SLC44A5: variants seen among roughly 807,000 people sequenced by gnomAD.
The protein encoded by SLC44A5 is choline transporter-like protein 5.
SLC44A5 carries 57 observed loss-of-function variants against 101.8 expected under a neutral mutation model. The observed-to-expected ratio is 0.56, with a 90% CI of 0.45 to 0.70. SLC44A5 has a LOEUF of 0.70. SLC44A5 is among the 30% of genes least tolerant of loss of function. SLC44A5 has a pLI of 0.00. For missense variants in SLC44A5, 737 were observed against 853.1 expected, an observed-to-expected ratio of 0.86 and a Z score of 1.70; for synonymous variants, 281 against 290.9, an observed-to-expected ratio of 0.97 and a Z score of 0.35.
chr1:75,289,968 G>A lies in SLC44A5; in HGVS notation c.175+10644C>T, dbSNP rs1056050868. Among the ~76,000 whole-genome samples, 9 of 152,306 alleles carry A rather than the reference G, an allele frequency of 5.9e-5. 1 individual carries two copies. The highest frequency in any genetic ancestry group is 4.1e-4 in the South Asian group (2 of 4,820). ...GAATTTGAAGATACGTTTGTCTCAC[G>A]TAGCTGCTTAGTGAAGCCCCTTCTG... On this transcript the variant is annotated intron_variant, in intron 5 of 23. Coordinates refer to ENST00000370859, the MANE Select transcript of SLC44A5 (RefSeq NM_001130058.2).
chr1:75,459,347 T>G (rs1315405520), intron 2 of SLC44A5, among the ~76,000 whole-genome samples: 1 of 152,222 alleles, frequency 6.6e-6, no homozygotes, highest in African/African-American at 2.4e-5. Context: ...CAGTAAAAAT[T>G]TATCCATTTT....
intron 11 of SLC44A5, 41 bp from the exon 12 acceptor site, chr1:75,234,139 AAACACAGCATATTACAAAC>A (rs768683963): frequency 1.4e-6 from 2 of 1,406,040 alleles, no homozygotes; most frequent in Non-Finnish European, 2.0e-6. Context: ...CAAGTGTGCT[AAACACAGCATATTACAAAC>A]ATCAAGACAA....
chr1:75,254,080 C>A (rs1649809708), intron 6 of SLC44A5, among the ~76,000 whole-genome samples: 1 of 151,920 alleles, frequency 6.6e-6, no homozygotes, highest in South Asian at 2.1e-4. Context: ...CTCTTGTCGC[C>A]CAGGCTGGAG....
At chr1:75,686,017 G>C in the SLC44A5 span, among the ~76,000 whole-genome samples, 1 of 152,068 alleles carries the variant, frequency 6.6e-6, no homozygotes, top group South Asian at 2.1e-4. Flanking sequence ...CTGAGTGAAG[G>C]GGGAAGAAAG....
At chr1:75,554,052 G>A (rs1261233521) in intron 1 of SLC44A5, among the ~76,000 whole-genome samples, 1 of 152,166 alleles carries the variant, frequency 6.6e-6, no homozygotes, top group East Asian at 1.9e-4. Flanking sequence ...TTGAAGCCGT[G>A]TGTAAGAAGC....
intron 7 of SLC44A5, among the ~76,000 whole-genome samples, chr1:75,250,001 TA>T (rs1649427424): frequency 6.6e-6 from 1 of 152,200 alleles, no homozygotes; most frequent in Non-Finnish European, 1.5e-5. Flanking sequence ...ATTTCTTTTT[TA>T]AAAACTTTTA....
intron 3 of SLC44A5, among the ~76,000 whole-genome samples, chr1:75,354,292 A>G (rs553800626): frequency 3.3e-5 from 5 of 152,306 alleles, no homozygotes; most frequent in East Asian, 1.9e-4. Flanking sequence ...TTCATTTCCA[A>G]TCATTCCCCA....
upstream of SLC44A5, chr1:75,616,002 G>A (rs1235785202): frequency 1.3e-5 from 7 of 519,544 alleles, no homozygotes; most frequent in East Asian, 3.0e-4. Context: ...TGCTGTGATG[G>A]CATCTGCGAG....
intron 3 of SLC44A5, among the ~76,000 whole-genome samples, chr1:75,367,939 C>G: frequency 6.6e-6 from 1 of 152,182 alleles, no homozygotes; most frequent in East Asian, 1.9e-4. Flanking sequence ...GCCACCAAAT[C>G]GCTGACGTCA....
intron 2 of SLC44A5, among the ~76,000 whole-genome samples, chr1:75,519,711 G>A (rs1038965277): frequency 6.6e-6 from 1 of 152,164 alleles, no homozygotes; most frequent in Non-Finnish European, 1.5e-5. Context: ...TCTTCCTTTA[G>A]TGAACATCTC....
At chr1:75,204,260 A>C (rs1646712187) in intron 23 of SLC44A5, among the ~76,000 whole-genome samples, 1 of 152,206 alleles carries the variant, frequency 6.6e-6, no homozygotes, top group Non-Finnish European at 1.5e-5. Context: ...CATCAACTGC[A>C]AATTTTGAGG....
At chr1:75,279,282 G>A (rs1407875048) in intron 5 of SLC44A5, among the ~76,000 whole-genome samples, 2 of 151,900 alleles carry the variant, frequency 1.3e-5, no homozygotes, top group African/African-American at 2.4e-5. Context: ...TTTTTGTAAT[G>A]TTAGAACAGA....
intron 4 of SLC44A5, among the ~76,000 whole-genome samples, chr1:75,325,222 T>C (rs1656488188): frequency 6.6e-6 from 1 of 152,108 alleles, no homozygotes; most frequent in Admixed American, 6.6e-5. Context: ...CACATGTGAG[T>C]AAAAGACAGA....
chr1:75,642,751 A>C, the SLC44A5 span, among the ~76,000 whole-genome samples: 3 of 152,130 alleles, frequency 2.0e-5, no homozygotes, highest in African/African-American at 7.2e-5. Flanking sequence ...CCTTGGTTGC[A>C]AAGTCTCAAG....
intron 2 of SLC44A5, among the ~76,000 whole-genome samples, chr1:75,478,744 T>G (rs918838081): frequency 1.3e-5 from 2 of 152,108 alleles, no homozygotes; most frequent in Non-Finnish European, 2.9e-5. Flanking sequence ...GCCCCCAGAT[T>G]CATAAAGCAA....
chr1:75,700,654 A>G, the SLC44A5 span, among the ~76,000 whole-genome samples: 39,254 of 152,090 alleles, frequency 0.26, 5,403 homozygotes, highest in Middle Eastern at 0.37. Flanking sequence ...AATATCTAAG[A>G]TCAGAGGAGA....
intron 3 of SLC44A5, among the ~76,000 whole-genome samples, chr1:75,370,189 G>A (rs1225488152): frequency 2.6e-5 from 4 of 152,292 alleles, no homozygotes; most frequent in South Asian, 4.1e-4. Flanking sequence ...CTAGACTTTG[G>A]TTCTAGGAGG....
the SLC44A5 span, among the ~76,000 whole-genome samples, chr1:75,682,992 A>G: frequency 2.0e-5 from 3 of 152,104 alleles, no homozygotes; most frequent in African/African-American, 7.2e-5. Flanking sequence ...GCAGCCAAAA[A>G]ACACATGAAA....
intron 2 of SLC44A5, among the ~76,000 whole-genome samples, chr1:75,516,369 C>G (rs1259540792): frequency 6.6e-6 from 1 of 151,986 alleles, no homozygotes; most frequent in African/African-American, 2.4e-5. Flanking sequence ...AAAAAATTAG[C>G]CGGGCGTGGT....
Sources: gnomAD v4.1 joint callset for allele counts (sites outside exome capture counted in the v4.1 genomes callset) on GRCh38, gnomAD v4.1.1 for gene constraint, MANE v1.5 for transcripts, NCBI Gene and HGNC (gene_info 2026-07-23, HGNC 2026-07-21) for gene names.